Variants in FUT8 observed in about 807,000 individuals in gnomAD.
FUT8 encodes alpha-(1,6)-fucosyltransferase.
In FUT8, 29 loss-of-function variants were observed where a neutral mutation model predicts 71.3. That is an observed-to-expected ratio of 0.41 (90% CI 0.30 to 0.55). The LOEUF is 0.55. FUT8 is among the 20% of genes least tolerant of loss of function. The pLI is 0.34. For synonymous variants in FUT8, 254 were observed against 239.3 expected (o/e 1.06, Z -0.57); for missense variants, 544 against 702.1 (o/e 0.77, Z 2.55).
rs1229206897 is a variant in FUT8, at chr14:65,675,729, C to T, written c.835+6249C>T. Among the ~76,000 whole-genome samples the T allele has an allele frequency of 2.0e-5, 3 of 152,082 alleles. No homozygotes were observed. The East Asian group carries it at 5.8e-4, about 29-fold the overall frequency. On this transcript the variant is annotated intron_variant, in intron 7 of 10. Coordinates refer to ENST00000673929, the MANE Select transcript of FUT8 (RefSeq NM_001371533.1). ...GAGAGGCCGGGCGCGGTGGCTCACG[C>T]CTGTAATCCCAGTACTTTGGGAGGC...
Position 65,480,401 on chromosome 14 carries a change from A to G in FUT8, c.-228+24683A>G, listed in dbSNP as rs1392487751. Among the ~76,000 whole-genome samples, 3 of 148,862 alleles carry G rather than the reference A, an allele frequency of 2.0e-5. No individual in the cohort carries two copies. The East Asian group carries it at 6.0e-4, about 30-fold the overall frequency. ...ATCTTAATAGCTCACTGCAGCCTCA[A>G]CCTCCCCAGGCTTAGGTGATCCTCC... On this transcript the variant is annotated intron_variant, in intron 2 of 10. Transcript: ENST00000673929.
rs1884699603 is a variant in FUT8, at chr14:65,541,915, T to A, written c.-227-19422T>A. 3.3e-5 allele frequency among the ~76,000 whole-genome samples: 5 copies of A among 152,190 alleles called. No homozygotes were observed. In the South Asian group the frequency reaches 1.0e-3, roughly 32 times the overall value. ...ATAGAGGAGATTTTCTAGTTTTCTC[T>A]TGCAATTCTTAAAGCCAGCATGTTC... On this transcript the variant is annotated intron_variant, in intron 2 of 10. Transcript: ENST00000673929.
intron 1 of FUT8, among the ~76,000 whole-genome samples, chr14:65,439,434 A>G (rs2065608499): frequency 6.6e-6 from 1 of 152,214 alleles, no homozygotes; most frequent in South Asian, 2.1e-4. Context: ...TAGTAACTTG[A>G]TAATTTCAAG....
Position 65,483,438 on chromosome 14 carries a change from C to G in FUT8, c.-228+27720C>G, listed in dbSNP as rs1301643834. On this transcript the variant is annotated intron_variant, in intron 2 of 10. Coordinates refer to ENST00000673929, the MANE Select transcript of FUT8 (RefSeq NM_001371533.1). The surrounding 1 kb of genome is among the most constrained non-coding windows in gnomAD (Gnocchi z 4.4). ...TTTCAAATTACTGTGTGGCTTTTCT[C>G]TCCGGAATGGCTTTACATTTCCATA... is the stretch of plus-strand genomic sequence containing the variant. Among the ~76,000 whole-genome samples the G allele has an allele frequency of 6.6e-6, 1 of 152,140 alleles. No homozygotes were observed. The highest frequency in any genetic ancestry group is 1.5e-5 in the Non-Finnish European group (1 of 68,026).
At chr14:65,534,220 T>C (rs944380287) in intron 2 of FUT8, among the ~76,000 whole-genome samples, 2 of 152,136 alleles carry the variant, frequency 1.3e-5, no homozygotes, top group African/African-American at 4.8e-5. Context: ...CCTCCCAGAC[T>C]CAAGTGATCT....
intron 2 of FUT8, among the ~76,000 whole-genome samples, chr14:65,557,268 C>T (rs887756412): frequency 2.6e-5 from 4 of 151,624 alleles, no homozygotes; most frequent in Non-Finnish European, 5.9e-5. Context: ...ATTTAAATAC[C>T]TTAGTACCTT....
the FUT8 span, among the ~76,000 whole-genome samples, chr14:65,362,686 G>A: frequency 1.3e-5 from 2 of 152,180 alleles, no homozygotes; most frequent in African/African-American, 4.8e-5. Flanking sequence ...TCATTAGCCG[G>A]GCGTGGTGGC....
At chr14:65,430,699 A>G (rs1457433383) in intron 1 of FUT8, among the ~76,000 whole-genome samples, 2 of 152,240 alleles carry the variant, frequency 1.3e-5, no homozygotes, top group Non-Finnish European at 2.9e-5. Flanking sequence ...GAGCAAGACT[A>G]GAACCACATT....
At chr14:65,433,046 A>G (rs770179006) in intron 1 of FUT8, among the ~76,000 whole-genome samples, 35 of 152,168 alleles carry the variant, frequency 2.3e-4, no homozygotes, top group Non-Finnish European at 4.6e-4. Context: ...CCTTTCCTGT[A>G]ACATGTTTCT....
rs1199113859 is a variant in FUT8 at position 65,718,193 on chromosome 14, GTTTGT to G, written c.836-3578_836-3574del. ...TTAGTGAAGGTGATTTTCTCTGGTG[GTTTGT>G]TTTAATTTCTTGCTTTTTATTTTTT... On this transcript the variant is annotated intron_variant, in intron 7 of 10. Coordinates refer to ENST00000673929, the MANE Select transcript of FUT8 (RefSeq NM_001371533.1). Among the ~76,000 whole-genome samples, 3 of 151,808 alleles carry G rather than the reference GTTTGT, an allele frequency of 2.0e-5. No individual in the cohort carries two copies. In the East Asian group the frequency reaches 5.8e-4, roughly 29 times the overall value.
intron 3 of FUT8, among the ~76,000 whole-genome samples, chr14:65,567,761 G>A (rs1344454663): frequency 6.6e-6 from 1 of 151,674 alleles, no homozygotes; most frequent in Non-Finnish European, 1.5e-5. Context: ...ATCCTGATAG[G>A]CCTGATTAAG....
At position 65,535,028 on chromosome 14, in the gene FUT8, T is replaced by A. The variant is rs572395790; in HGVS notation, c.-227-26309T>A. On this transcript the variant is annotated intron_variant, in intron 2 of 10. Coordinates refer to ENST00000673929, the MANE Select transcript of FUT8 (RefSeq NM_001371533.1). ...GATATTAGGTTGTTAAATTGAGATC[T>A]AATATATATGTATATATGTTATATA... Among the ~76,000 whole-genome samples the A allele has an allele frequency of 4.0e-5, 6 of 151,174 alleles. No individual in the cohort carries two copies. In the East Asian group the frequency reaches 7.7e-4, roughly 19 times the overall value.
rs1896047526 is a variant in FUT8 at position 65,732,989 on chromosome 14, G to A, written c.1260-242G>A. Among the ~76,000 whole-genome samples the A allele has an allele frequency of 2.0e-5, 3 of 152,062 alleles. No homozygotes were observed. The South Asian group carries it at 6.2e-4, about 32-fold the overall frequency. On this transcript the variant is annotated intron_variant, in intron 9 of 10. Coordinates refer to ENST00000673929, the MANE Select transcript of FUT8 (RefSeq NM_001371533.1). ...TTCAGCTATTTCATGAATTGATAAA[G>A]GACATTTTGATGTGTGTATGTGTGT...
At chr14:65,437,544 G>C (rs755902240) in intron 1 of FUT8, among the ~76,000 whole-genome samples, 1 of 152,118 alleles carries the variant, frequency 6.6e-6, no homozygotes, top group Non-Finnish European at 1.5e-5. Context: ...TTTGAAATAC[G>C]TCACCTAATG....
intron 2 of FUT8, among the ~76,000 whole-genome samples, chr14:65,485,575 C>T (rs550130418): frequency 6.6e-6 from 1 of 152,162 alleles, no homozygotes; most frequent in Non-Finnish European, 1.5e-5. Context: ...CATGATTATC[C>T]ATCACTATTC....
chr14:65,726,208 A>T (rs1028545184), intron 9 of FUT8, among the ~76,000 whole-genome samples: 3 of 152,258 alleles, frequency 2.0e-5, no homozygotes, highest in African/African-American at 7.2e-5. Flanking sequence ...TTGAAGAAAA[A>T]GATACTAATT....
At chr14:65,440,275 T>TC (rs2065633938) in intron 1 of FUT8, among the ~76,000 whole-genome samples, 1 of 151,774 alleles carries the variant, frequency 6.6e-6, no homozygotes, top group South Asian at 2.1e-4. Flanking sequence ...ATTCTGGAGA[T>TC]CCAGTGTACA....
chr14:65,408,374 A>G (rs1233366523), upstream of FUT8, among the ~76,000 whole-genome samples: 1 of 152,174 alleles, frequency 6.6e-6, no homozygotes, highest in Non-Finnish European at 1.5e-5. Context: ...AGTCAGTCAC[A>G]TGGTCCAGCC....
At chr14:65,693,061 A>G (rs1348588406) in intron 7 of FUT8, among the ~76,000 whole-genome samples, 1 of 148,638 alleles carries the variant, frequency 6.7e-6, no homozygotes, top group Non-Finnish European at 1.5e-5. Context: ...CATCCCAGAC[A>G]ATGGGCAGCC....
Sources: gnomAD v4.1 joint callset for allele counts (sites outside exome capture counted in the v4.1 genomes callset) on GRCh38, gnomAD v4.1.1 for gene constraint, Gnocchi (gnomAD v3.1) non-coding constraint, MANE v1.5 for transcripts, NCBI Gene and HGNC (gene_info 2026-07-23, HGNC 2026-07-21) for gene names.